LIN54: variants seen among roughly 807,000 people sequenced by gnomAD.
The protein encoded by LIN54 is lin-54 DREAM MuvB core complex component, also known as protein lin-54 homolog.
In LIN54, 9 loss-of-function variants were observed where a neutral mutation model predicts 78.7. The observed-to-expected ratio is 0.11, with a 90% confidence interval of 0.07 to 0.20. The LOEUF (loss-of-function observed/expected upper bound fraction) is 0.20, where lower values mean the gene tolerates loss of function less well. LIN54 is among the 10% of genes least tolerant of loss of function. LIN54 has a pLI of 1.00. For missense variants in LIN54, 573 were observed against 889.9 expected, an observed-to-expected ratio of 0.64 and a Z score of 4.53; for synonymous variants, 269 against 318.4, an observed-to-expected ratio of 0.84 and a Z score of 1.65.
At chr4:82,968,333 T>C (rs1725387848) in intron 4 of LIN54, among the ~76,000 whole-genome samples, 1 of 152,096 alleles carries the variant, frequency 6.6e-6, no homozygotes, top group South Asian at 2.1e-4. Flanking sequence ...GAAGATCCAA[T>C]ATGGCAGGGC....
chr4:82,933,633 T>C (rs1222550695), intron 11 of LIN54, among the ~76,000 whole-genome samples: 1 of 152,232 alleles, frequency 6.6e-6, no homozygotes, highest in African/African-American at 2.4e-5. Flanking sequence ...CTGCTATTCA[T>C]AGTTTAGTAT....
At chr4:82,991,847 A>G (rs1055430111) in intron 1 of LIN54, among the ~76,000 whole-genome samples, 3 of 152,042 alleles carry the variant, frequency 2.0e-5, no homozygotes, top group Non-Finnish European at 4.4e-5. Context: ...ATGTCTTATA[A>G]TTTGTATATA....
intron 8 of LIN54, among the ~76,000 whole-genome samples, chr4:82,937,809 C>A (rs1439074919): frequency 6.6e-6 from 1 of 151,868 alleles, no homozygotes; most frequent in Non-Finnish European, 1.5e-5. Flanking sequence ...AAATAAACAT[C>A]AACAAAAAAT....
intron 1 of LIN54, among the ~76,000 whole-genome samples, chr4:82,989,250 TGTGAA>T (rs1338416289): frequency 3.9e-5 from 6 of 152,260 alleles, no homozygotes; most frequent in African/African-American, 9.6e-5. Context: ...TTATGTATAC[TGTGAA>T]GTTATCAGTC....
intron 1 of LIN54, among the ~76,000 whole-genome samples, chr4:83,008,373 G>A (rs1005871527): frequency 6.6e-6 from 1 of 152,138 alleles, no homozygotes; most frequent in East Asian, 1.9e-4. Context: ...AAAATCGGCC[G>A]GGCGCAGTGG....
intron 1 of LIN54, among the ~76,000 whole-genome samples, chr4:82,989,230 G>A (rs573609285): frequency 1.3e-5 from 2 of 152,022 alleles, no homozygotes; most frequent in African/African-American, 4.8e-5. Flanking sequence ...TATTGAATTG[G>A]ATGAATTCAT....
At chr4:82,930,375 C>T (rs1721853459) in intron 12 of LIN54, among the ~76,000 whole-genome samples, 1 of 152,202 alleles carries the variant, frequency 6.6e-6, no homozygotes, top group South Asian at 2.1e-4. Flanking sequence ...TTCCTCACAG[C>T]CACCTGGTAT....
In LIN54 at chr4:82,926,498, AATAC is replaced by A. The variant is rs2126021961; in HGVS notation, c.*1600_*1603del. 6.5e-6 allele frequency: 1 copy of A among 152,680 alleles called. No individual in the cohort carries two copies. Among genetic ancestry groups the A allele is most frequent in the South Asian group, 2.1e-4 (1 of 4,832 alleles). The allele number at this position is 152,680 out of a possible 1,614,324, so 9.5% of individuals were successfully genotyped here. A position where few individuals can be genotyped will look rare whatever the true frequency, so the allele number is the denominator to read the frequency against. On this transcript the variant is annotated 3_prime_UTR_variant, in exon 13 of 13. Transcript: ENST00000340417. ...TTCATATGAACATATATACACACTTAATACATACAACTATAGAGTCCTTGTAGGA... is the reference window on the plus strand; with the variant it reads ...TTCATATGAACATATATACACACTTAATACAACTATAGAGTCCTTGTAGGA...
Position 82,984,883 on chromosome 4 carries a change from T to C in LIN54, c.-32-7A>G. 2 of 1,531,508 alleles carry C rather than the reference T, an allele frequency of 1.3e-6. No individual in the cohort carries two copies. The highest frequency in any genetic ancestry group is 8.7e-7 in the Non-Finnish European group (1 of 1,142,956). The allele number at this position is 1,531,508 out of a possible 1,614,324, so 94.9% of individuals were successfully genotyped here. A position where few individuals can be genotyped will look rare whatever the true frequency, so the allele number is the denominator to read the frequency against. ...CTAGAAAGTTGATCAGGCACTGTAA[T>C]AAAAGTTGAAAAATGAACAAGTTAC... On this transcript the variant is annotated splice_region_variant and splice_polypyrimidine_tract_variant and intron_variant, in intron 1 of 12. Transcript: ENST00000340417.
chr4:83,001,668 A>C (rs1245668234), intron 1 of LIN54, among the ~76,000 whole-genome samples: 1 of 149,182 alleles, frequency 6.7e-6, no homozygotes, highest in Non-Finnish European at 1.5e-5. Flanking sequence ...ACATGGTGAA[A>C]CCCCGTCTCT....
At chr4:82,968,259 G>GTCTC (rs1401361065) in intron 4 of LIN54, among the ~76,000 whole-genome samples, 2 of 151,936 alleles carry the variant, frequency 1.3e-5, no homozygotes, top group African/African-American at 4.8e-5. Flanking sequence ...GGTCAGGCTG[G>GTCTC]TCTCAGACTA....
rs189332213 is a variant in LIN54 at position 82,961,036 on chromosome 4, G to A, written c.951+9291C>T. On this transcript the variant is annotated intron_variant, in intron 4 of 12. Transcript: ENST00000340417. The stretch of plus-strand genomic sequence containing the variant: ...GATCACGCCACTGCACTCCAGCCTG[G>A]GTGACAGAGTGAGATCCTGTTTCAA... Among the ~76,000 whole-genome samples the A allele has an allele frequency of 1.2e-4, 19 of 152,094 alleles. No homozygotes were observed. The East Asian group carries it at 3.5e-3, about 28-fold the overall frequency.
chr4:82,990,374 C>A (rs1226897532), intron 1 of LIN54, among the ~76,000 whole-genome samples: 2 of 152,186 alleles, frequency 1.3e-5, no homozygotes, highest in Non-Finnish European at 2.9e-5. Flanking sequence ...TGTATCAGTT[C>A]CCCCATATCC....
chr4:82,998,941 C>A (rs531292839), intron 1 of LIN54, among the ~76,000 whole-genome samples: 10 of 152,088 alleles, frequency 6.6e-5, no homozygotes, highest in Non-Finnish European at 1.3e-4. Flanking sequence ...CAAATTATAT[C>A]ATTTGCAGTG....
intron 4 of LIN54, among the ~76,000 whole-genome samples, chr4:82,967,797 CTCAG>C (rs1725323467): frequency 6.6e-6 from 1 of 152,192 alleles, no homozygotes; most frequent in Admixed American, 6.5e-5. Context: ...TTACAATAGT[CTCAG>C]TCAAACAAAA....
chr4:82,949,823 T>C (rs975875405), intron 4 of LIN54, among the ~76,000 whole-genome samples: 2 of 151,672 alleles, frequency 1.3e-5, no homozygotes, highest in Admixed American at 1.3e-4. Flanking sequence ...ATTTTTTGTT[T>C]AATGCAGTCC....
intron 4 of LIN54, among the ~76,000 whole-genome samples, chr4:82,967,509 T>C (rs1284962991): frequency 6.6e-6 from 1 of 152,184 alleles, no homozygotes; most frequent in African/African-American, 2.4e-5. Context: ...ACTGGCCATG[T>C]AGATGCTGCA....
intron 1 of LIN54, among the ~76,000 whole-genome samples, chr4:82,993,508 G>A (rs1204200792): frequency 1.3e-5 from 2 of 151,068 alleles, no homozygotes; most frequent in African/African-American, 4.9e-5. Context: ...GTGAGCCACC[G>A]CGCCCGGCTA....
intron 1 of LIN54, among the ~76,000 whole-genome samples, chr4:83,002,715 C>T (rs1728976908): frequency 6.6e-6 from 1 of 152,130 alleles, no homozygotes; most frequent in Non-Finnish European, 1.5e-5. Context: ...TATATTTTCT[C>T]CTCCTTACGG....
Sources: allele counts gnomAD v4.1 joint callset (sites outside exome capture counted in the v4.1 genomes callset), GRCh38; gene constraint gnomAD v4.1.1; transcripts MANE v1.5; gene names NCBI Gene and HGNC (gene_info 2026-07-23, HGNC 2026-07-21).